The following ZHX3 variants were observed in gnomAD, a reference collection of about 807,000 sequenced individuals.
ZHX3 encodes the protein zinc fingers and homeoboxes 3.
In ZHX3, 20 loss-of-function variants were observed where a neutral mutation model predicts 64.5. The observed-to-expected ratio is 0.31, with a 90% CI of 0.22 to 0.45. The LOEUF (loss-of-function observed/expected upper bound fraction) is 0.45, where lower values mean the gene tolerates loss of function less well. ZHX3 is among the 20% of genes least tolerant of loss of function. ZHX3 has a pLI of 1.00. For missense variants in ZHX3, 1,041 were observed against 1,195.8 expected (o/e 0.87, Z 1.91); for synonymous variants, 423 against 461.6 (o/e 0.92, Z 1.07).
intron 2 of ZHX3, among the ~76,000 whole-genome samples, chr20:41,222,181 G>T (rs2039988315): frequency 6.6e-6 from 1 of 152,228 alleles, no homozygotes; most frequent in Non-Finnish European, 1.5e-5. Context: ...GAGGTAAGAA[G>T]AAGTGGCTGG....
In ZHX3 at chr20:41,195,237, A is replaced by G. The variant is rs950546432; in HGVS notation, c.2860+6820T>C. 6.6e-5 allele frequency among the ~76,000 whole-genome samples: 10 copies of G among 152,026 alleles called. No homozygotes were observed. The highest frequency in any genetic ancestry group is 2.2e-4 in the African/African-American group (9 of 41,388). On this transcript the variant is annotated intron_variant, in intron 3 of 3. Transcript: ENST00000683867. This position sits in a 1 kb window ranked among gnomAD's most constrained non-coding sequence, Gnocchi z 4.2. ...GGTAAACAATCCTCCCACCCCAGAC[A>G]CCTGAGTAGCTGGCACTACAGGAAC...
At chr20:41,256,551 C>A (rs1355500840) in intron 2 of ZHX3, among the ~76,000 whole-genome samples, 1 of 151,054 alleles carries the variant, frequency 6.6e-6, no homozygotes, top group African/African-American at 2.4e-5. Flanking sequence ...ATCTTAATAT[C>A]AAAGCATCTA....
intron 1 of ZHX3, 92 bp from the exon 2 acceptor site, chr20:41,269,175 C>T (rs773305636): frequency 2.0e-5 from 3 of 152,112 alleles, no homozygotes; most frequent in Admixed American, 6.6e-5. Context: ...CTAATTCATT[C>T]GCACTAGAAC....
chr20:41,202,105 T>A lies in ZHX3; in HGVS notation c.2812A>T (p.Ser938Cys). 6.2e-7 allele frequency: 1 copy of A among 1,613,560 alleles called. No individual in the cohort carries two copies. Among genetic ancestry groups the A allele is most frequent in the Non-Finnish European group, 8.5e-7 (1 of 1,179,718 alleles). Residue 938 changes from serine (S) to cysteine (C), a missense_variant, in exon 3 of 4, where the codon AGC becomes TGC. Around this residue, in one of 4 missense-constraint regions of ZHX3, gnomAD observed 649 missense variants for 739.8 expected, o/e 0.88. Transcript: ENST00000683867. The surrounding 1 kb of genome is among the most constrained non-coding windows in gnomAD (Gnocchi z 7.0). ...CTCGATGTGTCAAAGGGCTCTGAGC[T>A]GGCCTCAGGGACACGGGGCTCCCAC... The part of the protein sequence containing the change: ...ESWEPRVPEA[S>C]SEPFDTSSPQ...
intron 2 of ZHX3, among the ~76,000 whole-genome samples, chr20:41,251,158 G>T (rs925936149): frequency 1.0e-5 from 1 of 97,378 alleles, no homozygotes; most frequent in African/African-American, 6.0e-5. Context: ...GAAATATGGG[G>T]AGATATATAT....
intron 2 of ZHX3, among the ~76,000 whole-genome samples, chr20:41,255,313 A>T (rs1047306844): frequency 6.6e-6 from 1 of 151,986 alleles, no homozygotes; most frequent in Non-Finnish European, 1.5e-5. Flanking sequence ...CACCATGCCC[A>T]GCTAATTTTT....
chr20:41,244,370 T>C (rs1381123059), intron 2 of ZHX3, among the ~76,000 whole-genome samples: 1 of 152,168 alleles, frequency 6.6e-6, no homozygotes, highest in Non-Finnish European at 1.5e-5. Context: ...GGACTCTGAC[T>C]ACCTTAAAGC....
At chr20:41,280,368 C>T (rs1438634415) in intron 1 of ZHX3, among the ~76,000 whole-genome samples, 1 of 152,090 alleles carries the variant, frequency 6.6e-6, no homozygotes, top group East Asian at 1.9e-4. Context: ...GGGATCTAGG[C>T]ATTTGTATTT....
Position 41,226,877 on chromosome 20 carries a change from T to G in ZHX3, c.-150-21811A>C, listed in dbSNP as rs2040304995. Reference sequence around the variant, plus strand: ...CTGAGCAGAATGAAGCTGCAGGTACTCAGGGTCTAAGCCCCCTGGAACAAT... The same window carrying G: ...CTGAGCAGAATGAAGCTGCAGGTACGCAGGGTCTAAGCCCCCTGGAACAAT... On this transcript the variant is annotated intron_variant, in intron 2 of 3. Coordinates refer to ENST00000683867, the MANE Select transcript of ZHX3 (RefSeq NM_001384317.1). This position sits in a 1 kb window ranked among gnomAD's most constrained non-coding sequence, Gnocchi z 4.4. Among the ~76,000 whole-genome samples the G allele has an allele frequency of 6.6e-6, 1 of 152,210 alleles. No homozygotes were observed. The highest frequency in any genetic ancestry group is 1.5e-5 in the Non-Finnish European group (1 of 68,030).
chr20:41,190,599 T>C (rs756909883), intron 3 of ZHX3, among the ~76,000 whole-genome samples: 1 of 152,204 alleles, frequency 6.6e-6, no homozygotes, highest in African/African-American at 2.4e-5. Context: ...AGCATTTGAG[T>C]CTTTTCCTCA....
At chr20:41,293,709 C>G (rs1367936936) in intron 1 of ZHX3, among the ~76,000 whole-genome samples, 1 of 152,184 alleles carries the variant, frequency 6.6e-6, no homozygotes, top group Non-Finnish European at 1.5e-5. Flanking sequence ...TCTGGAAATT[C>G]TATCGAAAAG....
At chr20:41,250,872 C>A (rs1367247563) in intron 2 of ZHX3, among the ~76,000 whole-genome samples, 2 of 152,160 alleles carry the variant, frequency 1.3e-5, no homozygotes, top group Non-Finnish European at 2.9e-5. Flanking sequence ...CCTGGCCGGG[C>A]ACACTGGCTC....
rs534952632 is a variant in ZHX3 at position 41,253,979 on chromosome 20, G to A, written c.-151+15011C>T. ...AAAATTCCTACCAAAAAAAATGGAAGGTACTCAATACTTGTTAGTTCTCAG... is the reference window on the plus strand; with the variant it reads ...AAAATTCCTACCAAAAAAAATGGAAAGTACTCAATACTTGTTAGTTCTCAG... On this transcript the variant is annotated intron_variant, in intron 2 of 3. Coordinates refer to ENST00000683867, the MANE Select transcript of ZHX3 (RefSeq NM_001384317.1). Among the ~76,000 whole-genome samples, 35 of 152,150 alleles carry A rather than the reference G, an allele frequency of 2.3e-4. 1 individual carries two copies. Among genetic ancestry groups the A allele is most frequent in the African/African-American group, 8.4e-4 (35 of 41,510 alleles).
intron 1 of ZHX3, among the ~76,000 whole-genome samples, chr20:41,304,486 CTCT>C: frequency 6.6e-6 from 1 of 152,164 alleles, no homozygotes; most frequent in Non-Finnish European, 1.5e-5. Flanking sequence ...ATGCTTATTC[CTCT>C]TCTTACTGCA....
At position 41,201,874 on chromosome 20, in the gene ZHX3, TATC is replaced by T. The variant is rs1265892984; in HGVS notation, c.2860+180_2860+182del. Among the ~76,000 whole-genome samples, 1 of 152,218 alleles carries T rather than the reference TATC, an allele frequency of 6.6e-6. No homozygotes were observed. The highest frequency in any genetic ancestry group is 6.5e-5 in the Admixed American group (1 of 15,282). On this transcript the variant is annotated intron_variant, in intron 3 of 3. Transcript: ENST00000683867. The surrounding 1 kb of genome is among the most constrained non-coding windows in gnomAD (Gnocchi z 5.0). ...AAACAAAAAACAGCTCTCAACCGTT[TATC>T]ATATTATATTCCTATGGCTTCTGCT...
intron 2 of ZHX3, among the ~76,000 whole-genome samples, chr20:41,268,474 T>G (rs941286931): frequency 6.6e-6 from 1 of 152,252 alleles, no homozygotes; most frequent in Non-Finnish European, 1.5e-5. Context: ...ACTGTGAATA[T>G]ATGTCCATCA....
intron 2 of ZHX3, among the ~76,000 whole-genome samples, chr20:41,243,663 TG>T (rs2146463254): frequency 6.6e-6 from 1 of 152,274 alleles, no homozygotes; most frequent in Admixed American, 6.5e-5. Flanking sequence ...TGCTGAGGTT[TG>T]GGGCCTTATA....
chr20:41,196,637 T>C (rs555059062), intron 3 of ZHX3: 2 of 124,180 alleles, frequency 1.6e-5, no homozygotes, highest in Admixed American at 1.1e-4. Flanking sequence ...CTTGTAACCT[T>C]TCTTGATTTA....
At chr20:41,311,448 T>G (rs970854081) in intron 1 of ZHX3, among the ~76,000 whole-genome samples, 4 of 152,268 alleles carry the variant, frequency 2.6e-5, no homozygotes, top group African/African-American at 9.6e-5. Flanking sequence ...ACTATCTATA[T>G]GCTTTGGCAT....
Sources: allele counts gnomAD v4.1 joint callset (sites outside exome capture counted in the v4.1 genomes callset), GRCh38; gene constraint gnomAD v4.1.1; regional missense constraint gnomAD v4.1.1; non-coding constraint Gnocchi (gnomAD v3.1); transcripts MANE v1.5; gene names NCBI Gene and HGNC (gene_info 2026-07-23, HGNC 2026-07-21).